ANKFY1: variants seen among roughly 807,000 people sequenced by gnomAD.
ANKFY1 encodes ankyrin repeat and FYVE domain containing 1.
A neutral mutation model predicts 128.3 loss-of-function variants in ANKFY1; 47 were observed. That is an observed-to-expected ratio of 0.37 (90% CI 0.29 to 0.47). The LOEUF (loss-of-function observed/expected upper bound fraction) is 0.47, where lower values mean the gene tolerates loss of function less well. Among genes scored for constraint, ANKFY1 ranks in the 20% least tolerant of loss-of-function variants. ANKFY1 has a pLI of 1.00. For missense variants in ANKFY1, 1,222 were observed against 1,510.6 expected, an observed-to-expected ratio of 0.81 and a Z score of 3.17; for synonymous variants, 553 against 601.6, an observed-to-expected ratio of 0.92 and a Z score of 1.18.
In ANKFY1 at chr17:4,178,577, A is replaced by G; in HGVS notation, c.2598+280T>C. 2.1e-6 allele frequency: 1 copy of G among 474,958 alleles called. No homozygotes were observed. The highest frequency in any genetic ancestry group is 3.9e-6 in the Non-Finnish European group (1 of 258,896). 29.4% of individuals were successfully genotyped at this position (474,958 alleles called of 1,614,324 possible). ...GTTAACCAACCTAGCAAAAGCAAAG[A>G]ATGAGCTCAACTGTACATGCCACAG... On this transcript the variant is annotated intron_variant, in intron 18 of 24. Coordinates refer to ENST00000341657, the MANE Select transcript of ANKFY1 (RefSeq NM_001330063.2). This position sits in a 1 kb window ranked among gnomAD's most constrained non-coding sequence, Gnocchi z 4.1.
chr17:4,207,105 G>A (rs1294446049), intron 6 of ANKFY1, among the ~76,000 whole-genome samples: 3 of 151,990 alleles, frequency 2.0e-5, no homozygotes, highest in Non-Finnish European at 4.4e-5. Flanking sequence ...CAGGAGGCCC[G>A]ACCTATCTAA....
At chr17:4,186,312 T>G (rs2059610985) in intron 11 of ANKFY1, 1 of 152,796 alleles carries the variant, frequency 6.5e-6, no homozygotes, top group African/African-American at 2.4e-5. Context: ...TCTCCAAGGC[T>G]TCTTGTAAAA....
At chr17:4,171,684 T>C (rs1338376143) in intron 22 of ANKFY1, among the ~76,000 whole-genome samples, 4 of 152,176 alleles carry the variant, frequency 2.6e-5, no homozygotes, top group African/African-American at 9.7e-5. Flanking sequence ...GCTGAGTACG[T>C]GCTGCTCACT....
In ANKFY1 at chr17:4,169,407, G is replaced by A. The variant is rs1398241255; in HGVS notation, c.3287-119C>T. ...TGAGGCAGCGCTGCCACATGACATA[G>A]GTGACGAAGGAGCGATAGGTTCTAA... On this transcript the variant is annotated intron_variant, in intron 23 of 24. Coordinates refer to ENST00000341657, the MANE Select transcript of ANKFY1 (RefSeq NM_001330063.2). This position sits in a 1 kb window ranked among gnomAD's most constrained non-coding sequence, Gnocchi z 5.0. The A allele has an allele frequency of 4.2e-6, 3 of 719,000 alleles. No individual in the cohort carries two copies. Among genetic ancestry groups the A allele is most frequent in the Non-Finnish European group, 7.2e-6 (3 of 414,868 alleles). 44.5% of individuals were successfully genotyped at this position (719,000 alleles called of 1,614,324 possible). A position where few individuals can be genotyped will look rare whatever the true frequency, so the allele number is the denominator to read the frequency against.
Position 4,167,385 on chromosome 17 carries a change from T to C in ANKFY1, c.*394A>G, listed in dbSNP as rs1038119796. The C allele has an allele frequency of 1.3e-5, 2 of 159,606 alleles. No homozygotes were observed. Among genetic ancestry groups the C allele is most frequent in the African/African-American group, 2.4e-5 (1 of 41,772 alleles). The allele number at this position is 159,606 out of a possible 1,614,324, so 9.9% of individuals were successfully genotyped here. On this transcript the variant is annotated 3_prime_UTR_variant, in exon 25 of 25. Coordinates refer to ENST00000341657, the MANE Select transcript of ANKFY1 (RefSeq NM_001330063.2). This position sits in a 1 kb window ranked among gnomAD's most constrained non-coding sequence, Gnocchi z 4.1. The stretch of plus-strand genomic sequence containing the variant: ...CAGCCAGCTTCCTACGCTGAGAGGC[T>C]CTGCCTCATCAGTCAGCCCAGGCGG...
chr17:4,240,076 T>C (rs1293780229), intron 2 of ANKFY1, among the ~76,000 whole-genome samples: 1 of 151,244 alleles, frequency 6.6e-6, no homozygotes, highest in African/African-American at 2.4e-5. Flanking sequence ...TTTTTTTTTT[T>C]TTTTTTGAGA....
intron 11 of ANKFY1, 148 bp from the exon 12 acceptor site, chr17:4,185,194 T>C: frequency 1.4e-6 from 1 of 738,382 alleles, no homozygotes; most frequent in Non-Finnish European, 2.4e-6. Flanking sequence ...TCCTGAGCCA[T>C]CGCTCTCAGT....
In ANKFY1 at chr17:4,183,926, A is replaced by G; in HGVS notation, c.1700-16T>C. Reference sequence around the variant, plus strand: ...AGAGCATTGGCTAAATGTTTGAAAAAGTAAAAGAACACTTGATGTCACCAT... The same window carrying G: ...AGAGCATTGGCTAAATGTTTGAAAAGGTAAAAGAACACTTGATGTCACCAT... On this transcript the variant is annotated splice_polypyrimidine_tract_variant and intron_variant, in intron 12 of 24. Transcript: ENST00000341657. 1 of 1,591,692 alleles carries G rather than the reference A, an allele frequency of 6.3e-7. No individual in the cohort carries two copies. Among genetic ancestry groups the G allele is most frequent in the East Asian group, 2.2e-5 (1 of 44,744 alleles).
chr17:4,196,980 G>C (rs567526032), intron 8 of ANKFY1, among the ~76,000 whole-genome samples: 1 of 152,212 alleles, frequency 6.6e-6, no homozygotes, highest in Non-Finnish European at 1.5e-5. Context: ...TCAGCCAAGT[G>C]GGGTGGCGTG....
In ANKFY1 at chr17:4,253,327, C is replaced by A. The variant is rs1226849743; in HGVS notation, c.10+10605G>T. 5.3e-5 allele frequency among the ~76,000 whole-genome samples: 8 copies of A among 152,262 alleles called. No individual in the cohort carries two copies. The East Asian group carries it at 1.5e-3, about 29-fold the overall frequency. ...GAATGGGACTGACTGCAAAGGAGGT[C>A]AAGGGAACTTTTTACGGTGATAGAA... On this transcript the variant is annotated intron_variant, in intron 1 of 24. Coordinates refer to ENST00000341657, the MANE Select transcript of ANKFY1 (RefSeq NM_001330063.2).
rs191424353 is a variant in ANKFY1, at chr17:4,200,756, G to A, written c.899-3179C>T. Among the ~76,000 whole-genome samples, 334 of 152,242 alleles carry A rather than the reference G, an allele frequency of 2.2e-3. 1 individual carries two copies. The highest frequency in any genetic ancestry group is 3.6e-3 in the Non-Finnish European group (247 of 68,018). ...TTTTGTCTTTGCATCAGGATGCTTC[G>A]GTTCCTAATTGTTAGAATTGTGAGT... On this transcript the variant is annotated intron_variant, in intron 7 of 24. Transcript: ENST00000341657.
chr17:4,253,328 A>C (rs1967944296), intron 1 of ANKFY1, among the ~76,000 whole-genome samples: 1 of 152,222 alleles, frequency 6.6e-6, no homozygotes, highest in Admixed American at 6.5e-5. Flanking sequence ...AAAGGAGGTC[A>C]AGGGAACTTT....
intron 19 of ANKFY1, among the ~76,000 whole-genome samples, chr17:4,174,657 A>G (rs977033175): frequency 1.3e-5 from 2 of 152,112 alleles, no homozygotes; most frequent in African/African-American, 2.4e-5. Flanking sequence ...GAGAGACACT[A>G]TCTGTTTCAC....
At chr17:4,214,682 C>T (rs1214861878) in intron 4 of ANKFY1, among the ~76,000 whole-genome samples, 1 of 151,982 alleles carries the variant, frequency 6.6e-6, no homozygotes, top group African/African-American at 2.4e-5. Flanking sequence ...CCCGCCACCA[C>T]GCCTGGCTAA....
intron 1 of ANKFY1, 156 bp downstream of exon 1, chr17:4,263,776 C>A: frequency 6.4e-7 from 1 of 1,566,326 alleles, no homozygotes; most frequent in Non-Finnish European, 8.6e-7. Context: ...GACCCCGGCC[C>A]GAGAAGCTCC....
At chr17:4,245,767 A>C (rs1967509223) in intron 1 of ANKFY1, among the ~76,000 whole-genome samples, 1 of 146,992 alleles carries the variant, frequency 6.8e-6, no homozygotes, top group South Asian at 2.2e-4. Flanking sequence ...AAAAACAACC[A>C]GCCAGGTCTG....
intron 1 of ANKFY1, among the ~76,000 whole-genome samples, chr17:4,254,416 A>C (rs913724565): frequency 6.6e-6 from 1 of 152,002 alleles, no homozygotes; most frequent in Admixed American, 6.6e-5. Context: ...GCTGTCCTTG[A>C]AGACTGGAAT....
At chr17:4,209,762 C>A (rs1598080908) in intron 5 of ANKFY1, 62 bp downstream of exon 5, 1 of 1,536,128 alleles carries the variant, frequency 6.5e-7, no homozygotes, top group African/African-American at 1.4e-5. Context: ...GAACTACGTC[C>A]CCAGCGGCGG....
intron 10 of ANKFY1, among the ~76,000 whole-genome samples, chr17:4,194,254 G>A (rs949897370): frequency 8.6e-5 from 13 of 151,004 alleles, no homozygotes; most frequent in African/African-American, 2.9e-4. Context: ...ACAGGAGCCC[G>A]CCACCATGCC....
Sources: allele counts gnomAD v4.1 joint callset (sites outside exome capture counted in the v4.1 genomes callset), GRCh38; gene constraint gnomAD v4.1.1; non-coding constraint Gnocchi (gnomAD v3.1); transcripts MANE v1.5; gene names NCBI Gene and HGNC (gene_info 2026-07-23, HGNC 2026-07-21).